EFCC1: variants seen among roughly 807,000 people sequenced by gnomAD.
EFCC1 encodes EF-hand and coiled-coil domain-containing protein 1.
EFCC1 carries 50 observed loss-of-function variants against 52.1 expected under a neutral mutation model. The observed-to-expected ratio is 0.96, with a 90% CI of 0.76 to 1.21. The LOEUF is 1.21. Ranked by LOEUF, EFCC1 falls within the 50% of genes most tolerant of loss-of-function variation. EFCC1 has a pLI of 0.00. For missense variants in EFCC1, 837 were observed against 867.3 expected, an observed-to-expected ratio of 0.97 and a Z score of 0.44; for synonymous variants, 399 against 396.5, an observed-to-expected ratio of 1.01 and a Z score of -0.08.
chr3:129,002,660 C>T, intron 1 of EFCC1: 1 of 343,928 alleles, frequency 2.9e-6, no homozygotes, highest in Non-Finnish European at 5.2e-6. Flanking sequence ...CACATATTCC[C>T]TTTCAACAAG....
intron 2 of EFCC1, among the ~76,000 whole-genome samples, chr3:129,006,735 C>G (rs762976751): frequency 3.9e-5 from 6 of 152,174 alleles, no homozygotes; most frequent in Non-Finnish European, 8.8e-5. Flanking sequence ...GTGAAGGGCA[C>G]ACGGTGATTA....
chr3:129,037,061 CT>C lies in EFCC1; in HGVS notation c.1538del (p.Leu513ArgfsTer19). The C allele has an allele frequency of 6.2e-7, 1 of 1,613,500 alleles. No homozygotes were observed. Among genetic ancestry groups the C allele is most frequent in the South Asian group, 1.1e-5 (1 of 91,042 alleles). On this transcript the variant is annotated frameshift_variant, in exon 6 of 8. Coordinates refer to ENST00000683648, the MANE Select transcript of EFCC1 (RefSeq NM_001377500.1). LOFTEE classifies it high-confidence loss of function. The part of the protein sequence containing the change: ...MVETERVRLS[L>X]LEEKLVDVLQ... The stretch of plus-strand genomic sequence containing the variant: ...AGAGACCGAGAGGGTGCGGCTGTCC[CT>C]GCTGGAGGAGAAGCTGGTGGACGTG...
At position 129,024,826 on chromosome 3, in the gene EFCC1, G is replaced by A. The variant is rs1019453355; in HGVS notation, c.981-5877G>A. On this transcript the variant is annotated intron_variant, in intron 2 of 7. Transcript: ENST00000683648. ...GCATTGGGGATTAGGTTTCCAACAC[G>A]TGAACTTTGGGGGACACATTCAAAC... Among the ~76,000 whole-genome samples the A allele has an allele frequency of 1.1e-4, 16 of 152,194 alleles. No individual in the cohort carries two copies. In the South Asian group the frequency reaches 1.2e-3, roughly 12 times the overall value.
At chr3:129,004,149 A>G in intron 2 of EFCC1, 72 bp downstream of exon 2, 2 of 1,375,130 alleles carry the variant, frequency 1.5e-6, no homozygotes. Flanking sequence ...TCGGGTGTGC[A>G]ATCCCCCTCC....
intron 2 of EFCC1, among the ~76,000 whole-genome samples, chr3:129,026,043 T>G (rs1677696151): frequency 6.6e-6 from 1 of 152,246 alleles, no homozygotes; most frequent in Admixed American, 6.5e-5. Flanking sequence ...CAGCTCTTAG[T>G]GCTTTGGTTT....
intron 2 of EFCC1, among the ~76,000 whole-genome samples, chr3:129,029,978 A>T (rs1220226453): frequency 3.3e-5 from 5 of 151,946 alleles, no homozygotes; most frequent in Non-Finnish European, 7.4e-5. Flanking sequence ...TGAGCTCAGG[A>T]GTTCGAGACC....
intron 2 of EFCC1, among the ~76,000 whole-genome samples, chr3:129,019,855 AC>A (rs1945756889): frequency 7.4e-6 from 1 of 135,072 alleles, no homozygotes; most frequent in Non-Finnish European, 1.5e-5. Flanking sequence ...TGCAACCTCC[AC>A]CTCCCAGATT....
intron 2 of EFCC1, among the ~76,000 whole-genome samples, chr3:129,008,762 C>T (rs1213262832): frequency 6.6e-6 from 1 of 152,142 alleles, no homozygotes; most frequent in Non-Finnish European, 1.5e-5. Context: ...TTCAGGCCTC[C>T]TAGAGCTGGG....
intron 2 of EFCC1, among the ~76,000 whole-genome samples, chr3:129,025,247 G>C (rs894867702): frequency 6.6e-6 from 1 of 152,230 alleles, no homozygotes; most frequent in Non-Finnish European, 1.5e-5. Flanking sequence ...ACTGAGGAGA[G>C]AAGAGGTCCT....
At chr3:129,038,243 T>C (rs1026510235) in intron 6 of EFCC1, among the ~76,000 whole-genome samples, 2 of 152,110 alleles carry the variant, frequency 1.3e-5, no homozygotes, top group African/African-American at 4.8e-5. Context: ...CCCTGTGCAT[T>C]GGGCTGCCTG....
In EFCC1 at chr3:129,001,809, GAGGTCTTCCACCACC is replaced by G. The variant is rs1426401714; in HGVS notation, c.182_196del (p.Glu61_Leu66delinsVal). On this transcript the variant is annotated inframe_deletion, in exon 1 of 8. Coordinates refer to ENST00000683648, the MANE Select transcript of EFCC1 (RefSeq NM_001377500.1). ...CACCGGCCTGGACCAGTACCTGCAG[GAGGTCTTCCACCACC>G]TGGACTGCCGCGGCGCCGGCCGTCT... 1 of 1,545,520 alleles carries G rather than the reference GAGGTCTTCCACCACC, an allele frequency of 6.5e-7. No individual in the cohort carries two copies. The highest frequency in any genetic ancestry group is 2.0e-5 in the Admixed American group (1 of 50,892).
chr3:129,019,389 A>G (rs1315780867), intron 2 of EFCC1, among the ~76,000 whole-genome samples: 2 of 152,198 alleles, frequency 1.3e-5, no homozygotes, highest in African/African-American at 4.8e-5. Context: ...TGGGATTTAG[A>G]AGCCCAGTCA....
intron 1 of EFCC1, chr3:129,002,526 C>A: frequency 9.5e-7 from 1 of 1,049,888 alleles, no homozygotes; most frequent in Non-Finnish European, 1.3e-6. Flanking sequence ...CCTATTCTTA[C>A]CACCTATTCC....
At chr3:129,020,872 C>T (rs1412424458) in intron 2 of EFCC1, among the ~76,000 whole-genome samples, 6 of 152,170 alleles carry the variant, frequency 3.9e-5, no homozygotes, top group African/African-American at 1.4e-4. Context: ...GGGGCATGGT[C>T]CAGTGTGCTG....
At position 129,003,916 on chromosome 3, in the gene EFCC1, G is replaced by A; in HGVS notation, c.819G>A (p.Arg273=). The change falls in exon 2 of 8, where the codon CGG becomes CGA. Residue 273 remains arginine (R), a synonymous_variant. Transcript: ENST00000683648. ...CTGCGGCGGAGGCCCGCGCTGGGCG[G>A]CTGCGCCGTGGCCAGGCCGAGGTGC... The part of the protein sequence containing the change: ...ALAAAEARAG[R]LRRGQAEVRR... The A allele has an allele frequency of 7.4e-7, 1 of 1,357,844 alleles. No homozygotes were observed. Among genetic ancestry groups the A allele is most frequent in the Non-Finnish European group, 9.4e-7 (1 of 1,059,886 alleles). 84.1% of individuals were successfully genotyped at this position (1,357,844 alleles called of 1,614,324 possible). A position where few individuals can be genotyped will look rare whatever the true frequency, so the allele number is the denominator to read the frequency against.
chr3:129,035,250 C>T (rs1427713174), intron 5 of EFCC1, among the ~76,000 whole-genome samples: 9 of 152,336 alleles, frequency 5.9e-5, no homozygotes, highest in African/African-American at 1.7e-4. Context: ...CTGACTTGTA[C>T]AACCCATGAA....
chr3:129,018,225 T>C (rs1021245312), intron 2 of EFCC1, among the ~76,000 whole-genome samples: 1 of 152,162 alleles, frequency 6.6e-6, no homozygotes. Context: ...TTTGCCTCCA[T>C]AGGGAGACAA....
chr3:129,014,582 C>T lies in EFCC1; in HGVS notation c.980+10505C>T, dbSNP rs148331451. Among the ~76,000 whole-genome samples, 1 of 152,336 alleles carries T rather than the reference C, an allele frequency of 6.6e-6. No individual in the cohort carries two copies. Among genetic ancestry groups the T allele is most frequent in the African/African-American group, 2.4e-5 (1 of 41,576 alleles). On this transcript the variant is annotated intron_variant, in intron 2 of 7. Coordinates refer to ENST00000683648, the MANE Select transcript of EFCC1 (RefSeq NM_001377500.1). The surrounding 1 kb of genome is among the most constrained non-coding windows in gnomAD (Gnocchi z 4.3). ...TTGATTACCTCATTAAAGGTCCCAT[C>T]GCCAAATAAGATCACATTATGAGGA...
chr3:129,015,992 C>T (rs759636853), intron 2 of EFCC1, among the ~76,000 whole-genome samples: 1 of 152,304 alleles, frequency 6.6e-6, no homozygotes, highest in Admixed American at 6.5e-5. Context: ...CCTGTCAGCT[C>T]TGCAGCTTCC....
Sources: gnomAD v4.1 joint callset for allele counts (sites outside exome capture counted in the v4.1 genomes callset) on GRCh38, gnomAD v4.1.1 for gene constraint, Gnocchi (gnomAD v3.1) non-coding constraint, MANE v1.5 for transcripts, NCBI Gene and HGNC (gene_info 2026-07-23, HGNC 2026-07-21) for gene names.